DUSP16: variants seen among roughly 807,000 people sequenced by gnomAD.
DUSP16 encodes the protein dual specificity phosphatase 16, also known as dual specificity protein phosphatase 16.
In DUSP16, 21 loss-of-function variants were observed where a neutral mutation model predicts 58.3. The observed-to-expected ratio is 0.36, with a 90% confidence interval of 0.26 to 0.52. The LOEUF (loss-of-function observed/expected upper bound fraction) is 0.52, where lower values mean the gene tolerates loss of function less well. Among genes scored for constraint, DUSP16 ranks in the 20% least tolerant of loss-of-function variants. The probability of loss-of-function intolerance (pLI) is 0.94; values close to 1 mark genes in which losing one functional copy is unlikely to be tolerated. For missense variants in DUSP16, 726 were observed against 819.0 expected (o/e 0.89, Z 1.39); for synonymous variants, 320 against 323.8 (o/e 0.99, Z 0.12).
At chr12:12,520,761 C>T in intron 2 of DUSP16, 110 bp downstream of exon 2, 1 of 1,346,728 alleles carries the variant, frequency 7.4e-7, no homozygotes, top group Non-Finnish European at 1.0e-6. Flanking sequence ...TAAAAAGCAA[C>T]CAAAACTTCC....
intron 1 of DUSP16, among the ~76,000 whole-genome samples, chr12:12,526,311 A>G (rs1944307917): frequency 6.6e-6 from 1 of 152,134 alleles, no homozygotes; most frequent in South Asian, 2.1e-4. Context: ...CTGTTTTTAT[A>G]TGTAATTTAT....
At chr12:12,535,209 A>G (rs565058624) in intron 1 of DUSP16, among the ~76,000 whole-genome samples, 10 of 152,208 alleles carry the variant, frequency 6.6e-5, no homozygotes, top group Non-Finnish European at 4.4e-5. Context: ...GTGAGCTGTT[A>G]GTTCTCCTTA....
chr12:12,530,260 G>T (rs1037041168), intron 1 of DUSP16, among the ~76,000 whole-genome samples: 1 of 152,158 alleles, frequency 6.6e-6, no homozygotes, highest in Non-Finnish European at 1.5e-5. Flanking sequence ...CTCTGATGAT[G>T]AGTGATGCTG....
At chr12:12,508,099 A>G (rs557624785) in intron 3 of DUSP16, among the ~76,000 whole-genome samples, 4 of 152,352 alleles carry the variant, frequency 2.6e-5, no homozygotes, top group Non-Finnish European at 5.9e-5. Context: ...CTTTACCATC[A>G]CACAAAGGAG....
chr12:12,554,196 CAAAAAAA>C (rs59499569), intron 1 of DUSP16, among the ~76,000 whole-genome samples: 10 of 66,148 alleles, frequency 1.5e-4, no homozygotes, highest in East Asian at 7.8e-4. Context: ...AACTGGGTCT[CAAAAAAA>C]AAAAAAAAAA....
chr12:12,512,009 G>C (rs1944085359), intron 3 of DUSP16, among the ~76,000 whole-genome samples: 1 of 152,184 alleles, frequency 6.6e-6, no homozygotes, highest in South Asian at 2.1e-4. Context: ...TGGCTCTCTA[G>C]TCTGTTTGTT....
Position 12,500,381 on chromosome 12 carries a change from T to G in DUSP16, c.531+138A>C, listed in dbSNP as rs1280437596. 6.0e-6 allele frequency: 6 copies of G among 997,770 alleles called. No individual in the cohort carries two copies. In the East Asian group the frequency reaches 1.7e-4, roughly 28 times the overall value. 61.8% of individuals were successfully genotyped at this position (997,770 alleles called of 1,614,324 possible). A position where few individuals can be genotyped will look rare whatever the true frequency, so the allele number is the denominator to read the frequency against. On this transcript the variant is annotated intron_variant, in intron 4 of 6. Transcript: ENST00000298573. ...TTAACACTCCAAGAGATGACGCAAC[T>G]GTTACCTGGGGAGCACACTGAGAAT...
chr12:12,558,113 A>T (rs1002917744), intron 1 of DUSP16, among the ~76,000 whole-genome samples: 1 of 152,278 alleles, frequency 6.6e-6, no homozygotes, highest in Non-Finnish European at 1.5e-5. Context: ...TCTCCATAAC[A>T]TGGGCCAGTG....
At chr12:12,555,066 A>G (rs1381140050) in intron 1 of DUSP16, among the ~76,000 whole-genome samples, 1 of 152,274 alleles carries the variant, frequency 6.6e-6, no homozygotes, top group African/African-American at 2.4e-5. Context: ...AAAATAAGCC[A>G]GCATGGCAAT....
chr12:12,558,579 C>A (rs1354174737), intron 1 of DUSP16, among the ~76,000 whole-genome samples: 2 of 152,046 alleles, frequency 1.3e-5, no homozygotes, highest in East Asian at 1.9e-4. Flanking sequence ...GAAACAAGGT[C>A]TTTGTTGCCA....
At chr12:12,560,539 T>TA (rs1944883010) in intron 1 of DUSP16, among the ~76,000 whole-genome samples, 2 of 152,132 alleles carry the variant, frequency 1.3e-5, no homozygotes, top group Admixed American at 1.3e-4. Context: ...TCCACAATTT[T>TA]AAAAAACAAA....
chr12:12,559,942 G>A, intron 1 of DUSP16, among the ~76,000 whole-genome samples: 1 of 152,070 alleles, frequency 6.6e-6, no homozygotes, highest in Non-Finnish European at 1.5e-5. Context: ...AAGAACCGGG[G>A]TAACAGTGTC....
intron 1 of DUSP16, among the ~76,000 whole-genome samples, chr12:12,534,700 G>C (rs936167330): frequency 1.3e-5 from 2 of 152,134 alleles, no homozygotes; most frequent in Non-Finnish European, 2.9e-5. Flanking sequence ...CAAGTCCCTT[G>C]ATGTACTGCT....
chr12:12,533,401 C>G (rs1203314144), intron 1 of DUSP16, among the ~76,000 whole-genome samples: 1 of 152,200 alleles, frequency 6.6e-6, no homozygotes, highest in Non-Finnish European at 1.5e-5. Flanking sequence ...CAGACATGCA[C>G]AACAAGGTTT....
chr12:12,544,010 A>G (rs1944603190), intron 1 of DUSP16, among the ~76,000 whole-genome samples: 2 of 152,132 alleles, frequency 1.3e-5, no homozygotes, highest in African/African-American at 4.8e-5. Flanking sequence ...CAAGTATAAC[A>G]TATATGCCAA....
At chr12:12,495,451 G>A (rs1240147341) in intron 4 of DUSP16, among the ~76,000 whole-genome samples, 1 of 152,092 alleles carries the variant, frequency 6.6e-6, no homozygotes, top group African/African-American at 2.4e-5. Flanking sequence ...TGTAAACCAA[G>A]ACAAATTTCA....
intron 1 of DUSP16, among the ~76,000 whole-genome samples, chr12:12,551,791 C>G (rs1944732456): frequency 6.6e-6 from 1 of 151,352 alleles, no homozygotes; most frequent in South Asian, 2.1e-4. Flanking sequence ...CTCCCAGGTT[C>G]AAGCAATTCT....
intron 1 of DUSP16, among the ~76,000 whole-genome samples, chr12:12,550,466 C>A (rs892146011): frequency 1.3e-5 from 2 of 152,164 alleles, no homozygotes; most frequent in South Asian, 2.1e-4. Context: ...GAGTGTACAA[C>A]AGTGGGTCGA....
intron 3 of DUSP16, chr12:12,506,030 G>A (rs1394956082): frequency 6.6e-6 from 1 of 152,160 alleles, no homozygotes; most frequent in Non-Finnish European, 1.5e-5. Context: ...CTTTATCTAT[G>A]ACAATGTTCC....
Sources: allele counts gnomAD v4.1 joint callset (sites outside exome capture counted in the v4.1 genomes callset), GRCh38; gene constraint gnomAD v4.1.1; transcripts MANE v1.5; gene names NCBI Gene and HGNC (gene_info 2026-07-23, HGNC 2026-07-21).